The following LRP1B variants were observed in gnomAD, a reference collection of about 807,000 sequenced individuals.
LRP1B encodes the protein low-density lipoprotein receptor-related protein 1B.
A neutral mutation model predicts 556.6 loss-of-function variants in LRP1B; 217 were observed. The observed-to-expected ratio is 0.39, with a 90% confidence interval of 0.35 to 0.44. The LOEUF is 0.44. Among genes scored for constraint, LRP1B ranks in the 20% least tolerant of loss-of-function variants. The pLI is 1.00. For missense variants in LRP1B, 5,053 were observed against 5,620.8 expected, an observed-to-expected ratio of 0.90 and a Z score of 3.23; for synonymous variants, 2,047 against 1,865.8, an observed-to-expected ratio of 1.10 and a Z score of -2.50.
chr2:140,447,583 T>C (rs1686716043), intron 63 of LRP1B, among the ~76,000 whole-genome samples: 1 of 152,140 alleles, frequency 6.6e-6, no homozygotes, highest in African/African-American at 2.4e-5. Flanking sequence ...TCCTGACCAC[T>C]GAAAGTTTCT....
chr2:141,252,421 A>G (rs1239749574), intron 4 of LRP1B, among the ~76,000 whole-genome samples: 2 of 152,144 alleles, frequency 1.3e-5, no homozygotes, highest in Non-Finnish European at 2.9e-5. Context: ...AGGTTTCTTC[A>G]GAGTCACATA....
At chr2:140,871,128 T>A (rs1025152848) in intron 25 of LRP1B, among the ~76,000 whole-genome samples, 1 of 152,186 alleles carries the variant, frequency 6.6e-6, no homozygotes, top group African/African-American at 2.4e-5. Flanking sequence ...AGTGGTAGTG[T>A]GTGCTTTTGT....
At chr2:141,635,135 A>C (rs1292533662) in intron 2 of LRP1B, among the ~76,000 whole-genome samples, 1 of 151,900 alleles carries the variant, frequency 6.6e-6, no homozygotes, top group Non-Finnish European at 1.5e-5. Flanking sequence ...GCAAAAAAGA[A>C]AAGAAAAGAA....
At chr2:141,114,895 T>C (rs2104977550) in intron 7 of LRP1B, among the ~76,000 whole-genome samples, 1 of 152,268 alleles carries the variant, frequency 6.6e-6, no homozygotes, top group Non-Finnish European at 1.5e-5. Context: ...AAAAATTTAT[T>C]TTTAAATCAG....
intron 2 of LRP1B, among the ~76,000 whole-genome samples, chr2:141,539,407 T>G (rs1279983154): frequency 1.3e-5 from 2 of 152,214 alleles, no homozygotes; most frequent in Admixed American, 6.5e-5. Context: ...TGCTATTTCT[T>G]GGTTTCTCAA....
At chr2:140,955,998 T>C (rs1343339703) in intron 18 of LRP1B, among the ~76,000 whole-genome samples, 4 of 151,806 alleles carry the variant, frequency 2.6e-5, no homozygotes, top group African/African-American at 9.7e-5. Flanking sequence ...TTCAAAATTA[T>C]GTATGTGGAA....
rs149141577 is a variant in LRP1B, at chr2:141,352,837, C to A, written c.344-98196G>T. Among the ~76,000 whole-genome samples, 420 of 151,984 alleles carry A rather than the reference C, an allele frequency of 2.8e-3. 3 individuals are homozygous for A. The highest frequency in any genetic ancestry group is 6.8e-3 in the Middle Eastern group (2 of 294). On this transcript the variant is annotated intron_variant, in intron 3 of 90. Transcript: ENST00000389484. ...TTTGGTTTCCCAATAACCACAATGT[C>A]TGATGCAGTCTCAGTTGGAGTAGAC...
At chr2:141,016,703 T>C (rs1210926165) in intron 12 of LRP1B, among the ~76,000 whole-genome samples, 1 of 152,098 alleles carries the variant, frequency 6.6e-6, no homozygotes, top group East Asian at 1.9e-4. Flanking sequence ...ATGAATGAGG[T>C]TAAAACCCAC....
intron 2 of LRP1B, among the ~76,000 whole-genome samples, chr2:141,624,347 G>A (rs1291542586): frequency 3.3e-5 from 5 of 152,028 alleles, no homozygotes; most frequent in Non-Finnish European, 7.4e-5. Flanking sequence ...TGAGAATGAT[G>A]CCCAGAGAGG....
At chr2:141,945,248 G>A (rs1172754787) in intron 1 of LRP1B, among the ~76,000 whole-genome samples, 5 of 151,970 alleles carry the variant, frequency 3.3e-5, no homozygotes, top group Non-Finnish European at 1.5e-5. Context: ...GCTTTATATG[G>A]TATTTTAATG....
intron 1 of LRP1B, among the ~76,000 whole-genome samples, chr2:141,971,719 A>T (rs1391334187): frequency 2.6e-5 from 4 of 151,540 alleles, no homozygotes; most frequent in Non-Finnish European, 5.9e-5. Flanking sequence ...TATAACACAC[A>T]GCCATAGTTA....
chr2:141,460,052 T>C (rs995672158), intron 3 of LRP1B, among the ~76,000 whole-genome samples: 1 of 152,190 alleles, frequency 6.6e-6, no homozygotes, highest in African/African-American at 2.4e-5. Context: ...ACAAATGTAT[T>C]AAACACTCAG....
intron 43 of LRP1B, among the ~76,000 whole-genome samples, chr2:140,591,669 C>T (rs55898245): frequency 0.2 from 30,336 of 152,162 alleles, 3,249 homozygotes; most frequent in Middle Eastern, 0.28. Flanking sequence ...ATACACGGAG[C>T]AGTTCTGTAC....
intron 77 of LRP1B, among the ~76,000 whole-genome samples, chr2:140,347,960 T>C (rs565299090): frequency 2.4e-4 from 37 of 152,160 alleles, no homozygotes; most frequent in African/African-American, 8.2e-4. Context: ...AGTGTTTACA[T>C]GGCAGAGTAA....
At chr2:141,089,505 C>T (rs992352354) in intron 7 of LRP1B, among the ~76,000 whole-genome samples, 1 of 152,058 alleles carries the variant, frequency 6.6e-6, no homozygotes, top group Admixed American at 6.6e-5. Flanking sequence ...CATTCTGAAT[C>T]CAGAAAAATG....
intron 46 of LRP1B, 132 bp from the exon 47 acceptor site, chr2:140,534,272 T>A (rs10928755): frequency 0.53 from 432,808 of 819,212 alleles, 115,966 homozygotes; most frequent in South Asian, 0.58. Flanking sequence ...TGCCATATAA[T>A]AGCTCTGGAT....
rs115305669 is a variant in LRP1B at position 140,705,006 on chromosome 2, A to G, written c.6024-2453T>C. Among the ~76,000 whole-genome samples, 730 of 152,178 alleles carry G rather than the reference A, an allele frequency of 4.8e-3. 7 individuals are homozygous for G. Among genetic ancestry groups the G allele is most frequent in the African/African-American group, 0.016 (677 of 41,518 alleles). On this transcript the variant is annotated intron_variant, in intron 37 of 90. Coordinates refer to ENST00000389484, the MANE Select transcript of LRP1B (RefSeq NM_018557.3). Reference sequence around the variant, plus strand: ...CTACTTAGCCCTAATTCTCACAGCTATGGTAATTATGACTAGGAAGTAAAT... The same window carrying G: ...CTACTTAGCCCTAATTCTCACAGCTGTGGTAATTATGACTAGGAAGTAAAT...
intron 2 of LRP1B, among the ~76,000 whole-genome samples, chr2:141,666,827 A>G (rs1193401489): frequency 6.6e-6 from 1 of 152,210 alleles, no homozygotes. Context: ...TTAATGTGCC[A>G]CATGATACAA....
At chr2:140,787,562 T>A (rs79889905) in intron 32 of LRP1B, among the ~76,000 whole-genome samples, 8 of 37,800 alleles carry the variant, frequency 2.1e-4, no homozygotes, top group East Asian at 2.7e-3. Flanking sequence ...CAGAAGATTT[T>A]TTTTTTTTTT....
Sources: allele counts gnomAD v4.1 joint callset (sites outside exome capture counted in the v4.1 genomes callset), GRCh38; gene constraint gnomAD v4.1.1; transcripts MANE v1.5; gene names NCBI Gene and HGNC (gene_info 2026-07-23, HGNC 2026-07-21).